Variants in STIMATE observed in about 807,000 individuals in gnomAD.
The protein encoded by STIMATE is STIM activating enhancer.
A neutral mutation model predicts 36.7 loss-of-function variants in STIMATE; 15 were observed. The ratio of observed to expected loss-of-function variants is 0.41; its 90% CI spans 0.27 to 0.63. The LOEUF (loss-of-function observed/expected upper bound fraction) is 0.63. Ranked by LOEUF, STIMATE falls within the 20% of genes least tolerant of loss-of-function variation. The pLI is 0.32. For missense variants in STIMATE, 305 were observed against 397.3 expected, an observed-to-expected ratio of 0.77 and a Z score of 1.98; for synonymous variants, 163 against 162.3, an observed-to-expected ratio of 1.00 and a Z score of -0.03.
rs370730544 is a variant in STIMATE, at chr3:52,840,423, G to A, written c.*71C>T. On this transcript the variant is annotated 3_prime_UTR_variant, in exon 8 of 8. Transcript: ENST00000355083. ...GAAGGGCAGAGAGAGGGTAAGGAAC[G>A]ATGCTGCGGGATGACCTCTGCACAC... 1.4e-3 allele frequency: 2,199 copies of A among 1,518,658 alleles called. 68 individuals are homozygous for A. The South Asian group carries it at 0.024, about 17-fold the overall frequency. 94.1% of individuals were successfully genotyped at this position (1,518,658 alleles called of 1,614,324 possible).
intron 1 of STIMATE, among the ~76,000 whole-genome samples, chr3:52,884,394 C>T (rs562548609): frequency 1.3e-4 from 20 of 151,986 alleles, no homozygotes; most frequent in Admixed American, 1.2e-3. Context: ...AACAGGCGCC[C>T]GCCACCACGC....
rs1210718493 is a variant in STIMATE at position 52,839,836 on chromosome 3, A to G, written c.*658T>C. ...TGGGGACTAAAAAGAGTTTTTAAAT[A>G]CAATAGTATGAAAATATAACTTAAA... On this transcript the variant is annotated 3_prime_UTR_variant, in exon 8 of 8. Coordinates refer to ENST00000355083, the MANE Select transcript of STIMATE (RefSeq NM_198563.5). 2 of 152,776 alleles carry G rather than the reference A, an allele frequency of 1.3e-5. No individual in the cohort carries two copies. Among genetic ancestry groups the G allele is most frequent in the Admixed American group, 1.3e-4 (2 of 15,302 alleles). 9.5% of individuals were successfully genotyped at this position (152,776 alleles called of 1,614,324 possible).
chr3:52,894,993 G>A (rs759734675), intron 1 of STIMATE, among the ~76,000 whole-genome samples: 27 of 152,232 alleles, frequency 1.8e-4, no homozygotes, highest in Non-Finnish European at 3.5e-4. Flanking sequence ...CTCCCTCAGG[G>A]CTGCGAGGGG....
At chr3:52,858,229 A>G (rs926213375) in intron 1 of STIMATE, among the ~76,000 whole-genome samples, 2 of 152,196 alleles carry the variant, frequency 1.3e-5, no homozygotes, top group African/African-American at 2.4e-5. Context: ...TAGATGAAAG[A>G]TATTTGGCTA....
chr3:52,848,815 G>A (rs1333574024), intron 4 of STIMATE, among the ~76,000 whole-genome samples: 1 of 152,194 alleles, frequency 6.6e-6, no homozygotes, highest in Non-Finnish European at 1.5e-5. Flanking sequence ...AGCCATAGGA[G>A]GCACAAGCTG....
chr3:52,848,764 G>C (rs748411089), intron 4 of STIMATE, among the ~76,000 whole-genome samples: 2 of 152,154 alleles, frequency 1.3e-5, no homozygotes, highest in Admixed American at 6.5e-5. Flanking sequence ...TTCTGCAGCT[G>C]AGGACTCAAT....
At chr3:52,856,202 A>C (rs1321657561) in intron 1 of STIMATE, among the ~76,000 whole-genome samples, 1 of 152,194 alleles carries the variant, frequency 6.6e-6, no homozygotes, top group Non-Finnish European at 1.5e-5. Flanking sequence ...TGGCTTTAAC[A>C]CAATAGGTAA....
At chr3:52,869,154 G>A (rs1351058198) in intron 1 of STIMATE, among the ~76,000 whole-genome samples, 1 of 152,108 alleles carries the variant, frequency 6.6e-6, no homozygotes, top group Admixed American at 6.5e-5. Flanking sequence ...CTCAAGTTGG[G>A]AGAAAAGGCG....
intron 1 of STIMATE, among the ~76,000 whole-genome samples, chr3:52,876,541 C>T (rs935125059): frequency 2.0e-5 from 3 of 152,212 alleles, no homozygotes; most frequent in Non-Finnish European, 2.9e-5. Flanking sequence ...CCACCCGACA[C>T]GGCAAGACCA....
chr3:52,860,929 C>A (rs554232411), intron 1 of STIMATE, among the ~76,000 whole-genome samples: 2 of 152,144 alleles, frequency 1.3e-5, no homozygotes, highest in African/African-American at 2.4e-5. Flanking sequence ...CCCTGTCCCA[C>A]GGAAACAGTT....
intron 1 of STIMATE, among the ~76,000 whole-genome samples, chr3:52,888,777 T>C (rs1701734688): frequency 6.6e-6 from 1 of 152,210 alleles, no homozygotes; most frequent in Non-Finnish European, 1.5e-5. Context: ...CCTGTATGTG[T>C]CCTGACTTAT....
At chr3:52,845,493 G>A (rs1700878207) in intron 4 of STIMATE, among the ~76,000 whole-genome samples, 1 of 152,174 alleles carries the variant, frequency 6.6e-6, no homozygotes, top group Non-Finnish European at 1.5e-5. Context: ...TGACTCTGGA[G>A]GAATTTGGAC....
chr3:52,860,139 A>AC (rs1553629029), intron 1 of STIMATE, among the ~76,000 whole-genome samples: 2 of 139,768 alleles, frequency 1.4e-5, no homozygotes, highest in Non-Finnish European at 1.6e-5. Context: ...AAAAAAAAAA[A>AC]CAGAAAAATT....
chr3:52,840,511 A>G lies in STIMATE; in HGVS notation c.868T>C (p.Phe290Leu). Residue 290 changes from phenylalanine to leucine, a missense_variant, in exon 8 of 8, where the codon TTT (phenylalanine) becomes CTT (leucine). Phe to Leu is a conservative substitution (Grantham distance 22). This residue lies in a region of STIMATE where 84 missense variants were observed against 82.4 expected (regional missense o/e 1.02). Transcript: ENST00000355083. ...LKPVKKKKHR[F>L]GLPV ...GGAATGTGTCATACGGGTAGCCCAAAGCGGTGCTTCTTTTTCTTCACAGGC... is the reference window on the plus strand; with the variant it reads ...GGAATGTGTCATACGGGTAGCCCAAGGCGGTGCTTCTTTTTCTTCACAGGC... 1.2e-6 allele frequency: 2 copies of G among 1,613,774 alleles called. No homozygotes were observed. Among genetic ancestry groups the G allele is most frequent in the Non-Finnish European group, 1.7e-6 (2 of 1,179,854 alleles).
chr3:52,856,687 A>AAAAAGAAAAG (rs550155894), intron 1 of STIMATE, among the ~76,000 whole-genome samples: 1 of 151,912 alleles, frequency 6.6e-6, no homozygotes, highest in South Asian at 2.1e-4. Context: ...CTACCTCAAA[A>AAAAAGAAAAG]AAAAGAAAAG....
Position 52,885,064 on chromosome 3 carries a change from T to C in STIMATE, c.160+12227A>G, listed in dbSNP as rs183279015. 3.9e-5 allele frequency among the ~76,000 whole-genome samples: 6 copies of C among 152,350 alleles called. No individual in the cohort carries two copies. The East Asian group carries it at 7.7e-4, about 20-fold the overall frequency. ...TAGGAGTTCCAGAGTTCATATTCTC[T>C]TCTAATCTTGGTATTGTTCATCAAT... On this transcript the variant is annotated intron_variant, in intron 1 of 7. Coordinates refer to ENST00000355083, the MANE Select transcript of STIMATE (RefSeq NM_198563.5).
chr3:52,883,451 T>A (rs750848406), intron 1 of STIMATE, among the ~76,000 whole-genome samples: 4 of 152,196 alleles, frequency 2.6e-5, no homozygotes, highest in Non-Finnish European at 5.9e-5. Context: ...TTGCCTGGGG[T>A]TCATCAAGCT....
At chr3:52,845,450 C>T (rs1231087607) in intron 4 of STIMATE, among the ~76,000 whole-genome samples, 1 of 152,166 alleles carries the variant, frequency 6.6e-6, no homozygotes, top group African/African-American at 2.4e-5. Flanking sequence ...CCCGGGCCAT[C>T]CCTGATACCT....
chr3:52,893,009 A>C (rs1701805971), intron 1 of STIMATE, among the ~76,000 whole-genome samples: 1 of 152,078 alleles, frequency 6.6e-6, no homozygotes, highest in Non-Finnish European at 1.5e-5. Context: ...ACTCCACACA[A>C]CAAGCAGCCA....
Sources: gnomAD v4.1 joint callset for allele counts (sites outside exome capture counted in the v4.1 genomes callset) on GRCh38, gnomAD v4.1.1 for gene constraint, gnomAD v4.1.1 regional missense constraint, MANE v1.5 for transcripts, NCBI Gene and HGNC (gene_info 2026-07-23, HGNC 2026-07-21) for gene names.